The following POLR3E variants were observed in gnomAD, a reference collection of about 807,000 sequenced individuals.
The protein encoded by POLR3E is DNA-directed RNA polymerase III subunit RPC5.
In POLR3E, 41 loss-of-function variants were observed where a neutral mutation model predicts 96.6. The ratio of observed to expected loss-of-function variants is 0.42; its 90% CI spans 0.33 to 0.55. The LOEUF (loss-of-function observed/expected upper bound fraction) is 0.55, where lower values mean the gene tolerates loss of function less well. Ranked by LOEUF, POLR3E falls within the 20% of genes least tolerant of loss-of-function variation. The pLI is 0.06. For missense variants in POLR3E, 849 were observed against 952.1 expected, an observed-to-expected ratio of 0.89 and a Z score of 1.43; for synonymous variants, 396 against 383.6, an observed-to-expected ratio of 1.03 and a Z score of -0.38.
Position 22,333,834 on chromosome 16 carries a change from G to A in POLR3E, c.*134G>A, listed in dbSNP as rs1335731363. 7 of 657,652 alleles carry A rather than the reference G, an allele frequency of 1.1e-5. No individual in the cohort carries two copies. The highest frequency in any genetic ancestry group is 3.6e-5 in the South Asian group (2 of 55,622). 40.7% of individuals were successfully genotyped at this position (657,652 alleles called of 1,614,324 possible). A position where few individuals can be genotyped will look rare whatever the true frequency, so the allele number is the denominator to read the frequency against. On this transcript the variant is annotated 3_prime_UTR_variant, in exon 21 of 21. Transcript: ENST00000299853. ...CATCTCATGACCTGTGGCATTGCAC[G>A]GTGCAGTGGACAGAAGGGATTATCC...
At chr16:22,309,738 C>G (rs771659172) in intron 6 of POLR3E, 29 of 579,314 alleles carry the variant, frequency 5.0e-5, no homozygotes, top group Non-Finnish European at 6.8e-5. Context: ...GGGTGGGGCT[C>G]CAAGTTCATT....
At chr16:22,316,724 GCCCAGGGTC>G in intron 10 of POLR3E, 38 bp downstream of exon 10, 7 of 1,535,960 alleles carry the variant, frequency 4.6e-6, no homozygotes, top group Non-Finnish European at 6.3e-6. Flanking sequence ...CTGGATGCCT[GCCCAGGGTC>G]CCCAGGGGTC....
chr16:22,329,576 C>A lies in POLR3E; in HGVS notation c.1944+989C>A, dbSNP rs979696179. On this transcript the variant is annotated intron_variant, in intron 19 of 20. Transcript: ENST00000299853. ...CCCAGCTGCCTCTTAGGGGAGCCAA[C>A]TGGCAGGCTGAGGATCTAAGGGGCT... Among the ~76,000 whole-genome samples, 251 of 152,284 alleles carry A rather than the reference C, an allele frequency of 1.6e-3. 2 individuals carry two copies. The highest frequency in any genetic ancestry group is 4.6e-4 in the Non-Finnish European group (31 of 68,006).
rs752854769 is a variant in POLR3E at position 22,316,732 on chromosome 16, TC to T, written c.728+50del. On this transcript the variant is annotated intron_variant, in intron 10 of 20. Transcript: ENST00000299853. The stretch of plus-strand genomic sequence containing the variant: ...ATGCAAACTGGATGCCTGCCCAGGG[TC>T]CCCAGGGGTCCTTGGTGTGGATCCT... The T allele has an allele frequency of 2.8e-6, 4 of 1,449,754 alleles. No homozygotes were observed. In the South Asian group the frequency reaches 4.6e-5, roughly 17 times the overall value. The allele number at this position is 1,449,754 out of a possible 1,614,324, so 89.8% of individuals were successfully genotyped here. A position where few individuals can be genotyped will look rare whatever the true frequency, so the allele number is the denominator to read the frequency against.
intron 1 of POLR3E, among the ~76,000 whole-genome samples, chr16:22,298,033 C>T (rs998639405): frequency 6.6e-6 from 1 of 152,256 alleles, no homozygotes; most frequent in African/African-American, 2.4e-5. Context: ...CCGGATTAGC[C>T]TCTGCCCGGC....
intron 3 of POLR3E, among the ~76,000 whole-genome samples, chr16:22,306,470 G>T (rs1705785022): frequency 6.6e-6 from 1 of 152,134 alleles, no homozygotes; most frequent in South Asian, 2.1e-4. Context: ...GGCCAGCCTG[G>T]TCTCGAACTC....
Position 22,328,493 on chromosome 16 carries a change from C to T in POLR3E, c.1867-17C>T, listed in dbSNP as rs974857896. 1 of 1,611,348 alleles carries T rather than the reference C, an allele frequency of 6.2e-7. No homozygotes were observed. Among genetic ancestry groups the T allele is most frequent in the African/African-American group, 1.3e-5 (1 of 74,842 alleles). On this transcript the variant is annotated splice_polypyrimidine_tract_variant and intron_variant, in intron 18 of 20. Coordinates refer to ENST00000299853, the MANE Select transcript of POLR3E (RefSeq NM_018119.4). ...GGGTAGAGATGGACAAGCAACTCAC[C>T]CCTGGGCCTTGGTCAGTTTCCCCCC...
chr16:22,330,988 C>CTT (rs56100056), intron 19 of POLR3E, among the ~76,000 whole-genome samples: 7,927 of 50,668 alleles, frequency 0.16, 3,555 homozygotes, highest in Middle Eastern at 0.32. Flanking sequence ...ATGAAGCATC[C>CTT]TTTTTTTTTT....
chr16:22,321,119 T>G (rs2141790427), intron 13 of POLR3E, among the ~76,000 whole-genome samples: 1 of 152,288 alleles, frequency 6.6e-6, no homozygotes, highest in South Asian at 2.1e-4. Context: ...GACCATCAGT[T>G]TCAAGGGATT....
rs909591455 is a variant in POLR3E at position 22,313,453 on chromosome 16, G to A, written c.365-167G>A. On this transcript the variant is annotated intron_variant, in intron 6 of 20. Coordinates refer to ENST00000299853, the MANE Select transcript of POLR3E (RefSeq NM_018119.4). This position sits in a 1 kb window ranked among gnomAD's most constrained non-coding sequence, Gnocchi z 4.1. ...TGTGTCCAGCAGGCCAGGTGGAGGT[G>A]GGGATGGTCCCTGGCCTGGTGGTCC... 2.6e-5 allele frequency among the ~76,000 whole-genome samples: 4 copies of A among 152,092 alleles called. No individual in the cohort carries two copies. Among genetic ancestry groups the A allele is most frequent in the South Asian group, 2.1e-4 (1 of 4,832 alleles).
chr16:22,298,061 A>G lies in POLR3E; in HGVS notation c.-39+524A>G, dbSNP rs566874999. 9.3e-4 allele frequency among the ~76,000 whole-genome samples: 141 copies of G among 152,372 alleles called. 3 individuals carry two copies. The South Asian group carries it at 0.029, about 31-fold the overall frequency. On this transcript the variant is annotated intron_variant, in intron 1 of 20. Transcript: ENST00000299853. ...TGCCCGGCGAGGCCAGGGATTCCTC[A>G]TTCATTTATTCAGGCAACCATTCAG... is the stretch of plus-strand genomic sequence containing the variant.
At position 22,305,219 on chromosome 16, in the gene POLR3E, C is replaced by T. The variant is rs758923264; in HGVS notation, c.87+13C>T. 2.5e-6 allele frequency: 4 copies of T among 1,597,816 alleles called. No individual in the cohort carries two copies. Among genetic ancestry groups the T allele is most frequent in the Non-Finnish European group, 3.4e-6 (4 of 1,165,770 alleles). ...GTATCTATTTCAGGTAATTATGGGA[C>T]TTGAAGGTAAAGAGGGGAGAAGCAG... On this transcript the variant is annotated intron_variant, in intron 3 of 20. Coordinates refer to ENST00000299853, the MANE Select transcript of POLR3E (RefSeq NM_018119.4).
In POLR3E at chr16:22,308,128, G is replaced by T; in HGVS notation, c.88-20G>T. On this transcript the variant is annotated intron_variant, in intron 3 of 20. Coordinates refer to ENST00000299853, the MANE Select transcript of POLR3E (RefSeq NM_018119.4). The stretch of plus-strand genomic sequence containing the variant: ...CATGGCTGGGCAGAGTGGACTTAAT[G>T]GCTCCCTTCCCCTCCCCAGTACCCT... 3.1e-6 allele frequency: 5 copies of T among 1,601,628 alleles called. No homozygotes were observed. The highest frequency in any genetic ancestry group is 4.3e-6 in the Non-Finnish European group (5 of 1,168,780).
intron 14 of POLR3E, among the ~76,000 whole-genome samples, chr16:22,323,976 A>G (rs9652592): frequency 0.07 from 10,695 of 152,030 alleles, 635 homozygotes; most frequent in African/African-American, 0.15. Flanking sequence ...GCGGCCTCCA[A>G]CCAGCCATTA....
chr16:22,326,018 C>G lies in POLR3E; in HGVS notation c.1606C>G (p.Leu536Val). The G allele has an allele frequency of 6.3e-7, 1 of 1,599,722 alleles. No individual in the cohort carries two copies. ...LHSKLANGLP[L>V]GRAAGTDSFN... ...CAGCAAGCTGGCCAACGGGCTGCCT[C>G]TCGGGCGGGCTGCGGGCACAGACAG... The change falls in exon 18 of 21, where the codon CTC becomes GTC. Residue 536 changes from leucine (L) to valine (V), a missense_variant. By Grantham distance (32) the Leu-to-Val change is conservative. Transcript: ENST00000299853.
rs761207924 is a variant in POLR3E, at chr16:22,308,993, G to A, written c.234G>A (p.Ala78=). Residue 78 remains alanine, a synonymous_variant, in exon 5 of 21, where the codon GCG becomes GCA. Transcript: ENST00000299853. Reference sequence around the variant, plus strand: ...GCCGCAGCAAAGGGGAGCAGATTGCGCTGAACGTGGACGGGGCCTGCGCCG... The same window carrying A: ...GCCGCAGCAAAGGGGAGCAGATTGCACTGAACGTGGACGGGGCCTGCGCCG... ...NYCRSKGEQI[A]LNVDGACADE... 2.4e-5 allele frequency: 38 copies of A among 1,614,058 alleles called. No homozygotes were observed. The highest frequency in any genetic ancestry group is 6.7e-5 in the African/African-American group (5 of 75,038).
chr16:22,315,764 C>T (rs148152785), intron 9 of POLR3E, among the ~76,000 whole-genome samples: 11,226 of 152,172 alleles, frequency 0.074, 1,384 homozygotes, highest in African/African-American at 0.26. Flanking sequence ...CTCCGCCTCC[C>T]GGGTTCAAGT....
rs375432266 is a variant in POLR3E at position 22,315,123 on chromosome 16, G to A, written c.557G>A (p.Arg186His). The change falls in exon 9 of 21, where the codon CGC (arginine) becomes CAC (histidine). Residue 186 changes from arginine (R) to histidine (H), a missense_variant. Transcript: ENST00000299853. The stretch of plus-strand genomic sequence containing the variant: ...TCCCGGCCGGAGTCAGAGCAGGCCC[G>A]CCAGCGCCGTGTGCAGTCCTATGAG... ...RFSRPESEQARQRRVQSYEFL... is the reference protein window; with the variant it reads ...RFSRPESEQAHQRRVQSYEFL... 8 of 1,613,188 alleles carry A rather than the reference G, an allele frequency of 5.0e-6. No homozygotes were observed. The highest frequency in any genetic ancestry group is 1.7e-5 in the Admixed American group (1 of 59,936).
At chr16:22,304,884 A>C (rs1223948889) in intron 2 of POLR3E, among the ~76,000 whole-genome samples, 2 of 152,030 alleles carry the variant, frequency 1.3e-5, no homozygotes, top group Non-Finnish European at 2.9e-5. Context: ...CCCAGGGAAG[A>C]TGTGTGCTTA....
Sources: gnomAD v4.1 joint callset for allele counts (sites outside exome capture counted in the v4.1 genomes callset) on GRCh38, gnomAD v4.1.1 for gene constraint, Gnocchi (gnomAD v3.1) non-coding constraint, MANE v1.5 for transcripts, NCBI Gene and HGNC (gene_info 2026-07-23, HGNC 2026-07-21) for gene names.